CCDC142: variants seen among roughly 807,000 people sequenced by gnomAD.
CCDC142 encodes coiled-coil domain containing 142, also known as coiled-coil domain-containing protein 142.
CCDC142 carries 67 observed loss-of-function variants against 83.8 expected under a neutral mutation model. The observed-to-expected ratio is 0.80, with a 90% CI of 0.66 to 0.98. CCDC142 has a LOEUF of 0.98. CCDC142 is among the 50% of genes least tolerant of loss of function. CCDC142 has a pLI of 0.00. For missense variants in CCDC142, 905 were observed against 946.8 expected (o/e 0.96, Z 0.58); for synonymous variants, 421 against 421.2 (o/e 1.00, Z 0.01).
rs367964903 is a variant in CCDC142 at position 74,477,158 on chromosome 2, G to C, written c.1504-1432C>G. 3.3e-5 allele frequency among the ~76,000 whole-genome samples: 5 copies of C among 149,994 alleles called. 1 individual carries two copies. Among genetic ancestry groups the C allele is most frequent in the African/African-American group, 1.2e-4 (5 of 40,732 alleles). On this transcript the variant is annotated intron_variant, in intron 5 of 8. Transcript: ENST00000393965. The stretch of plus-strand genomic sequence containing the variant: ...TTTGAGACCAAGTTTCGCTCTTATT[G>C]CCCAGGCTGGAGTGCAGTTGCGCAA...
chr2:74,475,683 T>A lies in CCDC142; in HGVS notation c.1547A>T (p.His516Leu). The A allele has an allele frequency of 6.2e-7, 1 of 1,614,154 alleles. No homozygotes were observed. Among genetic ancestry groups the A allele is most frequent in the Non-Finnish European group, 8.5e-7 (1 of 1,180,024 alleles). ...ESLSVFSQEC[H>L]KQAMQGFKLY... ...CTTGAAACCTTGCATGGCTTGTTTA[T>A]GACATTCTTGAGAAAAGACACTTAG... Residue 516 changes from histidine to leucine, a missense_variant, in exon 6 of 9, where the codon CAT (histidine) becomes CTT (leucine). Physicochemically the swap from His to Leu is moderately conservative, Grantham distance 99. This residue lies in a region of CCDC142 where 49 missense variants were observed against 86.4 expected (regional missense o/e 0.57). Coordinates refer to ENST00000393965, the MANE Select transcript of CCDC142 (RefSeq NM_001365575.2).
At chr2:74,481,130 GTA>G (rs757012417) in intron 3 of CCDC142, 44 bp from the exon 4 acceptor site, 15 of 1,608,740 alleles carry the variant, frequency 9.3e-6, no homozygotes, top group Non-Finnish European at 1.3e-5. Context: ...GGGTCATGGA[GTA>G]CCTTTGGGAA....
rs745498649 is a variant in CCDC142 at position 74,475,721 on chromosome 2, C to T, written c.1509G>A (p.Leu503=). ...IQKLTAQIQL[L]PEESLSVFSQ... The stretch of plus-strand genomic sequence containing the variant: ...AAAAGACACTTAGTGACTCTTCAGG[C>T]AGGAGCTGTAGGGATAGGGAGAAAG... Residue 503 remains leucine (L), a synonymous_variant, in exon 6 of 9, where the codon CTG becomes CTA. Coordinates refer to ENST00000393965, the MANE Select transcript of CCDC142 (RefSeq NM_001365575.2). The T allele has an allele frequency of 2.5e-6, 4 of 1,607,862 alleles. No homozygotes were observed. The East Asian group carries it at 8.9e-5, about 36-fold the overall frequency.
chr2:74,482,073 G>A lies in CCDC142; in HGVS notation c.765C>T (p.Leu255=), dbSNP rs951144303. The A allele has an allele frequency of 5.6e-6, 9 of 1,613,418 alleles. No individual in the cohort carries two copies. In the East Asian group the frequency reaches 2.0e-4, roughly 36 times the overall value. ...CQVASRLDEA[L]QGSALRDQLR... ...GCTGGTCCCTCAACGCCGATCCTTG[G>A]AGCGCCTCGTCCAGCCGACTTGCCA... The change falls in exon 1 of 9, where the codon CTC becomes CTT. Residue 255 remains leucine, a synonymous_variant. Coordinates refer to ENST00000393965, the MANE Select transcript of CCDC142 (RefSeq NM_001365575.2). This position sits in a 1 kb window ranked among gnomAD's most constrained non-coding sequence, Gnocchi z 5.0.
chr2:74,481,360 G>A lies in CCDC142; in HGVS notation c.1121C>T (p.Ala374Val). 1.9e-6 allele frequency: 3 copies of A among 1,614,146 alleles called. No individual in the cohort carries two copies. Among genetic ancestry groups the A allele is most frequent in the Non-Finnish European group, 2.5e-6 (3 of 1,180,032 alleles). Reference sequence around the variant, plus strand: ...CTGACCCCCAAGAGCTGATCCCAAGGCCTGGCAGAAACCTGAGGATGAGAG... The same window carrying A: ...CTGACCCCCAAGAGCTGATCCCAAGACCTGGCAGAAACCTGAGGATGAGAG... Reference protein sequence around the residue: ...IWSWDQGFCQALGSALGGQSS... With the variant: ...IWSWDQGFCQVLGSALGGQSS... The change falls in exon 3 of 9, where the codon GCC becomes GTC. Residue 374 changes from alanine (A) to valine (V), a missense_variant. Transcript: ENST00000393965.
chr2:74,477,700 T>G (rs1034384058), intron 5 of CCDC142, among the ~76,000 whole-genome samples: 3 of 152,290 alleles, frequency 2.0e-5, no homozygotes, highest in East Asian at 1.9e-4. Flanking sequence ...ACTATAGCCT[T>G]CCTTCCTCAG....
Position 74,481,894 on chromosome 2 carries a change from T to C in CCDC142, c.944A>G (p.Gln315Arg). 6.2e-7 allele frequency: 1 copy of C among 1,614,188 alleles called. No homozygotes were observed. Among genetic ancestry groups the C allele is most frequent in the East Asian group, 2.2e-5 (1 of 44,876 alleles). ...YWTLLWAACA[Q>R]SLDLNLGPWR... ...GGGTCCCAGATTTAGGTCCAGACTCTGAGCACAGGCTGCCCACAGCAGGGT... is the reference window on the plus strand; with the variant it reads ...GGGTCCCAGATTTAGGTCCAGACTCCGAGCACAGGCTGCCCACAGCAGGGT... The change falls in exon 1 of 9, where the codon CAG becomes CGG. Residue 315 changes from glutamine to arginine, a missense_variant. By Grantham distance (43) the Gln-to-Arg change is conservative (BLOSUM62 1). Coordinates refer to ENST00000393965, the MANE Select transcript of CCDC142 (RefSeq NM_001365575.2).
chr2:74,481,912 A>G lies in CCDC142; in HGVS notation c.926T>C (p.Leu309Pro), dbSNP rs1371102218. The change falls in exon 1 of 9, where the codon CTG becomes CCG. Residue 309 changes from leucine to proline, a missense_variant. Physicochemically the swap from Leu to Pro is moderately conservative, Grantham distance 98 (BLOSUM62 -3). This residue lies in a region of CCDC142 where 591 missense variants were observed against 571.4 expected (regional missense o/e 1.03). Coordinates refer to ENST00000393965, the MANE Select transcript of CCDC142 (RefSeq NM_001365575.2). ...GALWSQYWTL[L>P]WAACAQSLDL... The stretch of plus-strand genomic sequence containing the variant: ...CAGACTCTGAGCACAGGCTGCCCAC[A>G]GCAGGGTCCAGTATTGGCTCCACAA... 6.2e-7 allele frequency: 1 copy of G among 1,614,042 alleles called. No individual in the cohort carries two copies. Among genetic ancestry groups the G allele is most frequent in the East Asian group, 2.2e-5 (1 of 44,878 alleles).
chr2:74,478,423 C>G (rs564020181), intron 5 of CCDC142, among the ~76,000 whole-genome samples: 1 of 151,734 alleles, frequency 6.6e-6, no homozygotes, highest in South Asian at 2.1e-4. Flanking sequence ...GTTGCCCAGG[C>G]TGGAGTGCAA....
intron 5 of CCDC142, among the ~76,000 whole-genome samples, chr2:74,479,546 G>GT (rs1178171804): frequency 2.0e-5 from 3 of 152,160 alleles, no homozygotes; most frequent in Admixed American, 6.6e-5. Context: ...TTTTTCATTA[G>GT]TTTTATAAAA....
Position 74,474,233 on chromosome 2 carries a change from G to C in CCDC142, c.*313C>G, listed in dbSNP as rs952206431. On this transcript the variant is annotated 3_prime_UTR_variant, in exon 9 of 9. Coordinates refer to ENST00000393965, the MANE Select transcript of CCDC142 (RefSeq NM_001365575.2). ...CGAGTAGCTGGGACTACAGGCACCCGCCACCACGCCCGGCTAATTTTTTGT... is the reference window on the plus strand; with the variant it reads ...CGAGTAGCTGGGACTACAGGCACCCCCCACCACGCCCGGCTAATTTTTTGT... 1.5e-5 allele frequency: 3 copies of C among 199,628 alleles called. No homozygotes were observed. Among genetic ancestry groups the C allele is most frequent in the African/African-American group, 7.1e-5 (3 of 42,068 alleles). 12.4% of individuals were successfully genotyped at this position (199,628 alleles called of 1,614,324 possible). A position where few individuals can be genotyped will look rare whatever the true frequency, so the allele number is the denominator to read the frequency against.
chr2:74,476,656 A>C (rs961089342), intron 5 of CCDC142, among the ~76,000 whole-genome samples: 1 of 152,230 alleles, frequency 6.6e-6, no homozygotes, highest in Non-Finnish European at 1.5e-5. Context: ...ATAACCCATA[A>C]AGCAAGAAAA....
At chr2:74,478,876 A>G (rs899675293) in intron 5 of CCDC142, among the ~76,000 whole-genome samples, 2 of 151,770 alleles carry the variant, frequency 1.3e-5, no homozygotes, top group Non-Finnish European at 2.9e-5. Flanking sequence ...AAATACAAAA[A>G]CTAGCTGGGC....
rs1182280838 is a variant in CCDC142, at chr2:74,475,370, A to C, written c.1651T>G (p.Leu551Val). ...GGCTCCAGTACGGTGCGGACCACTA[A>C]ACCAGCATACTCACTAGGAGCACTG... Reference protein sequence around the residue: ...PPSAPSEYAGLVVRTVLEPVL... With the variant: ...PPSAPSEYAGVVVRTVLEPVL... The change falls in exon 7 of 9, where the codon TTA (leucine) becomes GTA (valine). Residue 551 changes from leucine (L) to valine (V), a missense_variant. Physicochemically the swap from Leu to Val is conservative, Grantham distance 32. This residue lies in a region of CCDC142 where 265 missense variants were observed against 288.9 expected (regional missense o/e 0.92). Coordinates refer to ENST00000393965, the MANE Select transcript of CCDC142 (RefSeq NM_001365575.2). The C allele has an allele frequency of 5.6e-6, 9 of 1,601,230 alleles. No homozygotes were observed. The highest frequency in any genetic ancestry group is 7.7e-6 in the Non-Finnish European group (9 of 1,173,200).
In CCDC142 at chr2:74,474,392, G is replaced by T; in HGVS notation, c.*154C>A. 9.5e-7 allele frequency: 1 copy of T among 1,050,262 alleles called. No homozygotes were observed. The highest frequency in any genetic ancestry group is 1.6e-5 in the African/African-American group (1 of 62,108). The allele number at this position is 1,050,262 out of a possible 1,614,324, so 65.1% of individuals were successfully genotyped here. ...CCACCTCGCCCAGCCCCTAATCTTG[G>T]ATTCTTAAGCCCAGGCTCTTTGTAG... On this transcript the variant is annotated 3_prime_UTR_variant, in exon 9 of 9. Transcript: ENST00000393965.
At chr2:74,476,009 G>A (rs1398288435) in intron 5 of CCDC142, among the ~76,000 whole-genome samples, 2 of 131,354 alleles carry the variant, frequency 1.5e-5, no homozygotes, top group Admixed American at 8.3e-5. Flanking sequence ...AGAGCTTTAA[G>A]GAAAAAGAAA....
chr2:74,476,859 G>A (rs747136509), intron 5 of CCDC142, among the ~76,000 whole-genome samples: 43 of 152,216 alleles, frequency 2.8e-4, no homozygotes, highest in Non-Finnish European at 5.0e-4. Context: ...ACCTGGGGGC[G>A]GCCAGACATG....
In CCDC142 at chr2:74,482,653, TC is replaced by T. The variant is rs1276448485; in HGVS notation, c.184del (p.Asp62MetfsTer2). On this transcript the variant is annotated frameshift_variant, in exon 1 of 9. Coordinates refer to ENST00000393965, the MANE Select transcript of CCDC142 (RefSeq NM_001365575.2). LOFTEE classifies it high-confidence loss of function. The surrounding 1 kb of genome is among the most constrained non-coding windows in gnomAD (Gnocchi z 5.0). ...GGTPWWPTPA[D>X]VSEDYEADAA... Reference sequence around the variant, plus strand: ...ATCAGCCTCGTAGTCCTCGCTCACATCCGCCGGCGTCGGCCACCACGGCGTC... The same window carrying T: ...ATCAGCCTCGTAGTCCTCGCTCACATCGCCGGCGTCGGCCACCACGGCGTC... 2 of 1,611,600 alleles carry T rather than the reference TC, an allele frequency of 1.2e-6. No individual in the cohort carries two copies. Among genetic ancestry groups the T allele is most frequent in the Admixed American group, 3.3e-5 (2 of 60,020 alleles).
At chr2:74,475,429 G>A (rs1356913255) in intron 6 of CCDC142, 27 bp from the exon 7 acceptor site, 46 of 1,550,372 alleles carry the variant, frequency 3.0e-5, no homozygotes, top group Non-Finnish European at 4.0e-5. Flanking sequence ...AGAATATAAG[G>A]CTGTGGAGAT....
Sources: gnomAD v4.1 joint callset for allele counts (sites outside exome capture counted in the v4.1 genomes callset) on GRCh38, gnomAD v4.1.1 for gene constraint, gnomAD v4.1.1 regional missense constraint, Gnocchi (gnomAD v3.1) non-coding constraint, MANE v1.5 for transcripts, NCBI Gene and HGNC (gene_info 2026-07-23, HGNC 2026-07-21) for gene names.